Variants in LMF1 observed in about 807,000 individuals in gnomAD.
LMF1 encodes lipase maturation factor 1, also known as transmembrane protein 112.
In LMF1, 68 loss-of-function variants were observed where a neutral mutation model predicts 60.6. The observed-to-expected ratio is 1.12, with a 90% CI of 0.92 to 1.37. LMF1 has a LOEUF of 1.37. LMF1 is among the 40% of genes most tolerant of loss of function. LMF1 has a pLI of 0.00. For synonymous variants in LMF1, 418 were observed against 324.7 expected, an observed-to-expected ratio of 1.29 and a Z score of -3.09; for missense variants, 948 against 767.2, an observed-to-expected ratio of 1.24 and a Z score of -2.78.
At chr16:956,623 C>T (rs2072710987) in intron 1 of LMF1, among the ~76,000 whole-genome samples, 1 of 151,970 alleles carries the variant, frequency 6.6e-6, no homozygotes, top group Non-Finnish European at 1.5e-5. Flanking sequence ...GCAGGCGGAT[C>T]ACCTGAGATC....
intron 6 of LMF1, among the ~76,000 whole-genome samples, chr16:876,950 A>G (rs1483501858): frequency 6.6e-6 from 1 of 152,228 alleles, no homozygotes; most frequent in African/African-American, 2.4e-5. Context: ...GTCAGTTGAG[A>G]TATACGGGCC....
chr16:869,740 T>C, intron 9 of LMF1, 143 bp downstream of exon 9: 1 of 897,504 alleles, frequency 1.1e-6, no homozygotes, highest in Non-Finnish European at 1.7e-6. Context: ...GTGGGCTCAG[T>C]TCTCAGCTCA....
chr16:871,701 C>T lies in LMF1; in HGVS notation c.898-360G>A, dbSNP rs564989866. The T allele has an allele frequency of 7.5e-5, 17 of 226,746 alleles. No individual in the cohort carries two copies. In the South Asian group the frequency reaches 1.0e-3, roughly 14 times the overall value. The allele number at this position is 226,746 out of a possible 1,614,324, so 14.0% of individuals were successfully genotyped here. On this transcript the variant is annotated intron_variant, in intron 6 of 10. Coordinates refer to ENST00000262301, the MANE Select transcript of LMF1 (RefSeq NM_022773.4). ...AGAGGGCACCTGCCGGGGTCATGCC[C>T]GGGGAAGGCTGGTGAGTCCAAACAG...
rs148213956 is a variant in LMF1, at chr16:946,963, C to A, written c.503+7394G>T. Among the ~76,000 whole-genome samples, 74 of 152,358 alleles carry A rather than the reference C, an allele frequency of 4.9e-4. No homozygotes were observed. The East Asian group carries it at 9.8e-3, about 20-fold the overall frequency. On this transcript the variant is annotated intron_variant, in intron 2 of 10. Transcript: ENST00000262301. ...CACCTGCCAGGCTCTGGAGACTAAT[C>A]CCCGTCTAGCCAGGAAGGTAACTCT...
At chr16:910,838 G>A (rs1383930883) in intron 4 of LMF1, 93 bp downstream of exon 4, 1 of 1,520,830 alleles carries the variant, frequency 6.6e-7, no homozygotes, top group East Asian at 2.3e-5. Context: ...GGCGGCGGGG[G>A]AGGAAGGAAA....
intron 2 of LMF1, among the ~76,000 whole-genome samples, chr16:945,211 C>CAAAAAAAAAAAAAAA (rs60283096): frequency 5.1e-5 from 4 of 79,006 alleles, no homozygotes; most frequent in African/African-American, 1.7e-4. Flanking sequence ...GACTCCATCT[C>CAAAAAAAAAAAAAAA]AAAAAAAAAA....
intron 10 of LMF1, among the ~76,000 whole-genome samples, chr16:860,117 T>C (rs988506876): frequency 2.0e-5 from 3 of 152,140 alleles, no homozygotes; most frequent in Non-Finnish European, 4.4e-5. Flanking sequence ...GTTATGAAAC[T>C]TCTTTACATA....
chr16:873,004 T>C (rs1466978939), intron 6 of LMF1: 1 of 152,254 alleles, frequency 6.6e-6, no homozygotes, highest in African/African-American at 2.4e-5. Flanking sequence ...TGGGGAACTC[T>C]AGCCTCAGGG....
At chr16:904,424 G>C (rs2070915610) in intron 4 of LMF1, among the ~76,000 whole-genome samples, 2 of 121,156 alleles carry the variant, frequency 1.7e-5, no homozygotes, top group Non-Finnish European at 3.4e-5. Flanking sequence ...TCTGCTGCGT[G>C]GTGGTGACCT....
At chr16:918,644 G>A (rs12444056) in intron 3 of LMF1, among the ~76,000 whole-genome samples, 7,971 of 152,122 alleles carry the variant, frequency 0.052, 232 homozygotes, top group Non-Finnish European at 0.067. Flanking sequence ...TTGTGCCCAC[G>A]GAGCTGTCCT....
intron 7 of LMF1, 30 bp from the exon 8 acceptor site, chr16:870,912 G>T (rs752550762): frequency 8.9e-6 from 14 of 1,579,678 alleles, no homozygotes; most frequent in Non-Finnish European, 1.2e-5. Flanking sequence ...TTCCAGGTGG[G>T]GCTCCCAGCT....
Position 854,955 on chromosome 16 carries a change from G to A in LMF1, c.1530-249C>T, listed in dbSNP as rs2069147410. The stretch of plus-strand genomic sequence containing the variant: ...GGCGGACGGGGGGCAGCTCCGGGAG[G>A]GGAGACCCAGCAGGGCCCACTTGGC... On this transcript the variant is annotated intron_variant, in intron 10 of 10. Coordinates refer to ENST00000262301, the MANE Select transcript of LMF1 (RefSeq NM_022773.4). The A allele has an allele frequency of 5.2e-6, 3 of 572,606 alleles. No homozygotes were observed. In the East Asian group the frequency reaches 8.9e-5, roughly 17 times the overall value. The allele number at this position is 572,606 out of a possible 1,614,324, so 35.5% of individuals were successfully genotyped here.
At chr16:948,057 C>G (rs190614328) in intron 2 of LMF1, among the ~76,000 whole-genome samples, 1 of 148,602 alleles carries the variant, frequency 6.7e-6, no homozygotes, top group East Asian at 2.0e-4. Flanking sequence ...ATGACAGAGT[C>G]AGCCAACGAC....
intron 6 of LMF1, chr16:873,757 CAGA>C (rs1181166211): frequency 1.3e-5 from 2 of 152,370 alleles, no homozygotes; most frequent in Non-Finnish European, 2.9e-5. Flanking sequence ...GAGATGAGGG[CAGA>C]AGAACATGGT....
intron 3 of LMF1, among the ~76,000 whole-genome samples, chr16:912,129 G>A (rs1015632290): frequency 1.3e-5 from 2 of 152,168 alleles, no homozygotes; most frequent in African/African-American, 2.4e-5. Context: ...GAGGCCACCC[G>A]CTGCCCAGCA....
intron 1 of LMF1, among the ~76,000 whole-genome samples, chr16:963,426 ATACATGTGCACCTG>A (rs2072856010): frequency 2.6e-5 from 4 of 152,042 alleles, no homozygotes; most frequent in African/African-American, 9.7e-5. Context: ...GTGCACATGT[ATACATGTGCACCTG>A]TGCATGGATG....
At chr16:907,677 A>G (rs1011600653) in intron 4 of LMF1, among the ~76,000 whole-genome samples, 1 of 152,128 alleles carries the variant, frequency 6.6e-6, no homozygotes, top group African/African-American at 2.4e-5. Flanking sequence ...CAAGTGCGCG[A>G]GCGGGGGAAG....
chr16:870,414 C>A (rs1293806888), intron 8 of LMF1, among the ~76,000 whole-genome samples: 1 of 152,226 alleles, frequency 6.6e-6, no homozygotes, highest in African/African-American at 2.4e-5. Context: ...GGTGGCACTA[C>A]CTGGCATTCC....
At chr16:855,302 T>C (rs961412114) in intron 10 of LMF1, 10 of 269,052 alleles carry the variant, frequency 3.7e-5, no homozygotes, top group African/African-American at 2.2e-4. Context: ...CTCTCCTCTG[T>C]CATGCCCGAG....
Sources: allele counts gnomAD v4.1 joint callset (sites outside exome capture counted in the v4.1 genomes callset), GRCh38; gene constraint gnomAD v4.1.1; transcripts MANE v1.5; gene names NCBI Gene and HGNC (gene_info 2026-07-23, HGNC 2026-07-21).